The following CFTR variants were observed in gnomAD, a reference collection of about 807,000 sequenced individuals.
The protein encoded by CFTR is CF transmembrane conductance regulator.
Under a neutral mutation model 171.6 loss-of-function variants are expected in CFTR, and 181 were observed. The observed-to-expected ratio is 1.05, with a 90% CI of 0.93 to 1.19. CFTR has a LOEUF of 1.19. Ranked by LOEUF, CFTR falls within the 50% of genes most tolerant of loss-of-function variation. The pLI is 0.00. For synonymous variants in CFTR, 583 were observed against 608.0 expected, an observed-to-expected ratio of 0.96 and a Z score of 0.60; for missense variants, 1,968 against 1,734.7, an observed-to-expected ratio of 1.13 and a Z score of -2.39.
At chr7:117,570,407 T>C (rs1042777212) in intron 11 of CFTR, among the ~76,000 whole-genome samples, 2 of 152,156 alleles carry the variant, frequency 1.3e-5, no homozygotes, top group Admixed American at 6.6e-5. Context: ...AGGAATTGTG[T>C]CTTCCGCAGT....
intron 24 of CFTR, among the ~76,000 whole-genome samples, chr7:117,664,400 T>C (rs1280926053): frequency 6.6e-6 from 1 of 152,190 alleles, no homozygotes; most frequent in Admixed American, 6.6e-5. Context: ...ATGTGCCACG[T>C]ATTGTTTTCT....
At position 117,553,650 on chromosome 7, in the gene CFTR, A is replaced by G. The variant is rs972403846; in HGVS notation, c.1392+4827A>G. 1.3e-5 allele frequency among the ~76,000 whole-genome samples: 2 copies of G among 152,220 alleles called. No homozygotes were observed. The highest frequency in any genetic ancestry group is 4.8e-5 in the African/African-American group (2 of 41,436). On this transcript the variant is annotated intron_variant, in intron 10 of 26. Coordinates refer to ENST00000003084, the MANE Select transcript of CFTR (RefSeq NM_000492.4). ...ATTCTTAACTTGCATTTCTTTTATT[A>G]TAAGTAGTGTAAAATATCATTTCAA...
At chr7:117,622,347 C>A (rs369092477) in intron 21 of CFTR, among the ~76,000 whole-genome samples, 23 of 152,172 alleles carry the variant, frequency 1.5e-4, no homozygotes, top group Middle Eastern at 3.4e-3. Flanking sequence ...AAAGATTATG[C>A]TAATGGATCT....
intron 13 of CFTR, among the ~76,000 whole-genome samples, chr7:117,591,273 A>G (rs1792019241): frequency 6.6e-6 from 1 of 152,108 alleles, no homozygotes; most frequent in Admixed American, 6.6e-5. Flanking sequence ...GTTACAGTAT[A>G]ATCTAGAACA....
intron 24 of CFTR, among the ~76,000 whole-genome samples, chr7:117,660,545 G>A (rs1030478685): frequency 5.9e-5 from 9 of 151,952 alleles, no homozygotes; most frequent in African/African-American, 2.2e-4. Context: ...CAGGAGAATT[G>A]TTTGAACCTG....
chr7:117,484,913 A>G (rs1444020610), intron 1 of CFTR, among the ~76,000 whole-genome samples: 1 of 152,094 alleles, frequency 6.6e-6, no homozygotes, highest in Non-Finnish European at 1.5e-5. Context: ...TTCCTTGCTA[A>G]AGAGAGAAGT....
rs1799417658 is a variant in CFTR, at chr7:117,559,492, A to G, written c.1421A>G (p.Glu474Gly). Residue 474 changes from glutamate (E) to glycine (G), a missense_variant, in exon 11 of 27, where the codon GAA (glutamate) becomes GGA (glycine). Coordinates refer to ENST00000003084, the MANE Select transcript of CFTR (RefSeq NM_000492.4). ...TCACTTCTAATGGTGATTATGGGAG[A>G]ACTGGAGCCTTCAGAGGGTAAAATT... is the stretch of plus-strand genomic sequence containing the variant. ...KTSLLMVIMG[E>G]LEPSEGKIKH... The G allele has an allele frequency of 6.2e-7, 1 of 1,609,972 alleles. No homozygotes were observed. Among genetic ancestry groups the G allele is most frequent in the Admixed American group, 1.7e-5 (1 of 59,976 alleles).
At chr7:117,596,254 C>A (rs974396388) in intron 15 of CFTR, among the ~76,000 whole-genome samples, 17 of 152,226 alleles carry the variant, frequency 1.1e-4, no homozygotes, top group African/African-American at 3.9e-4. Flanking sequence ...CCGGCCGGCC[C>A]CGCGAGCCCC....
At chr7:117,492,529 AAGAT>A (rs1307750477) in intron 1 of CFTR, among the ~76,000 whole-genome samples, 2 of 152,044 alleles carry the variant, frequency 1.3e-5, no homozygotes, top group African/African-American at 4.8e-5. Context: ...ATGGAGATAA[AAGAT>A]AAATATTACA....
rs1554388879 is a variant in CFTR, at chr7:117,589,524, C to G, written c.1680-829C>G. Among the ~76,000 whole-genome samples the G allele has an allele frequency of 6.6e-6, 1 of 151,888 alleles. No homozygotes were observed. Among genetic ancestry groups the G allele is most frequent in the African/African-American group, 2.4e-5 (1 of 41,426 alleles). On this transcript the variant is annotated intron_variant, in intron 12 of 26. Coordinates refer to ENST00000003084, the MANE Select transcript of CFTR (RefSeq NM_000492.4). ...AATTTAAATGTTATGAAGAAATTAT[C>G]TCATTTCTATTAATATGGGAACTGT...
At chr7:117,623,342 C>G (rs1423754460) in intron 21 of CFTR, among the ~76,000 whole-genome samples, 2 of 152,250 alleles carry the variant, frequency 1.3e-5, no homozygotes, top group African/African-American at 4.8e-5. Flanking sequence ...AGAGATATCC[C>G]TCGATCCTCC....
At chr7:117,636,802 C>G (rs763902076) in intron 22 of CFTR, among the ~76,000 whole-genome samples, 1 of 151,654 alleles carries the variant, frequency 6.6e-6, no homozygotes, top group African/African-American at 2.4e-5. Context: ...CCTACTTTTT[C>G]CATGAAAACC....
chr7:117,512,203 G>A (rs1419173946), intron 3 of CFTR, among the ~76,000 whole-genome samples: 3 of 152,178 alleles, frequency 2.0e-5, no homozygotes, highest in Admixed American at 6.5e-5. Flanking sequence ...TCATGAAGGA[G>A]CTAATCTTTC....
chr7:117,498,457 C>T (rs1031931694), intron 1 of CFTR, among the ~76,000 whole-genome samples: 7 of 152,046 alleles, frequency 4.6e-5, no homozygotes, highest in Non-Finnish European at 7.4e-5. Flanking sequence ...CCCAATACTG[C>T]GATTTTAAAT....
chr7:117,642,293 C>A, intron 22 of CFTR, 145 bp from the exon 23 acceptor site: 1 of 811,168 alleles, frequency 1.2e-6, no homozygotes, highest in East Asian at 2.6e-5. Flanking sequence ...AAGTGTGCAA[C>A]AAGGTTTGAA....
chr7:117,557,560 T>G (rs994519151), intron 10 of CFTR, among the ~76,000 whole-genome samples: 1 of 88,234 alleles, frequency 1.1e-5, no homozygotes, highest in Non-Finnish European at 2.3e-5. Flanking sequence ...TTCAAGAATA[T>G]TGCTTTTTAA....
chr7:117,584,145 T>C (rs1380961443), intron 11 of CFTR, among the ~76,000 whole-genome samples: 3 of 152,182 alleles, frequency 2.0e-5, no homozygotes, highest in Non-Finnish European at 1.5e-5. Context: ...GCTAATTATT[T>C]ATTTTGCTGT....
At chr7:117,519,357 C>A (rs1185000084) in intron 3 of CFTR, among the ~76,000 whole-genome samples, 5 of 152,028 alleles carry the variant, frequency 3.3e-5, no homozygotes, top group African/African-American at 1.2e-4. Flanking sequence ...TCAGACTCTG[C>A]TGTATCAAAA....
At chr7:117,531,814 AC>A (rs1217162780) in intron 4 of CFTR, among the ~76,000 whole-genome samples, 1 of 152,184 alleles carries the variant, frequency 6.6e-6, no homozygotes, top group Non-Finnish European at 1.5e-5. Flanking sequence ...ACCATGTGTT[AC>A]TAACTTGGAT....
Sources: gnomAD v4.1 joint callset for allele counts (sites outside exome capture counted in the v4.1 genomes callset) on GRCh38, gnomAD v4.1.1 for gene constraint, MANE v1.5 for transcripts, NCBI Gene and HGNC (gene_info 2026-07-23, HGNC 2026-07-21) for gene names.